The following PDS5A variants were observed in gnomAD, a reference collection of about 807,000 sequenced individuals.
PDS5A encodes the protein sister chromatid cohesion protein PDS5 homolog A.
In PDS5A, 42 loss-of-function variants were observed where a neutral mutation model predicts 167.1. That is an observed-to-expected ratio of 0.25 (90% confidence interval 0.20 to 0.33). The LOEUF is 0.33. Among genes scored for constraint, PDS5A ranks in the 10% least tolerant of loss-of-function variants. The pLI, the probability that PDS5A is intolerant of heterozygous loss-of-function variation, is 1.00. For synonymous variants in PDS5A, 553 were observed against 554.6 expected (o/e 1.00, Z 0.04); for missense variants, 1,033 against 1,605.9 (o/e 0.64, Z 6.10).
At chr4:39,927,892 A>C in intron 3 of PDS5A, 69 bp downstream of exon 3, 1 of 1,090,938 alleles carries the variant, frequency 9.2e-7, no homozygotes, top group Non-Finnish European at 1.3e-6. Flanking sequence ...GTAAAATATA[A>C]AAATAAAAGT....
At position 39,976,633 on chromosome 4, in the gene PDS5A, C is replaced by A; in HGVS notation, c.-40-16G>T. Reference sequence around the variant, plus strand: ...CTACCGGCCTCTATCGGTCAGAAAACCAAAGTTCAGCGGGAAAGGGGCGAC... The same window carrying A: ...CTACCGGCCTCTATCGGTCAGAAAAACAAAGTTCAGCGGGAAAGGGGCGAC... On this transcript the variant is annotated splice_polypyrimidine_tract_variant and intron_variant, in intron 1 of 32. Transcript: ENST00000303538. The A allele has an allele frequency of 1.4e-6, 2 of 1,448,032 alleles. No homozygotes were observed. Among genetic ancestry groups the A allele is most frequent in the Non-Finnish European group, 1.9e-6 (2 of 1,055,220 alleles). 89.7% of individuals were successfully genotyped at this position (1,448,032 alleles called of 1,614,324 possible).
intron 2 of PDS5A, among the ~76,000 whole-genome samples, chr4:39,968,250 C>T (rs1275662365): frequency 6.6e-6 from 1 of 151,772 alleles, no homozygotes; most frequent in African/African-American, 2.4e-5. Context: ...CAGAGGACAC[C>T]AGACCTATAA....
chr4:39,964,039 A>C (rs563055159), intron 2 of PDS5A, among the ~76,000 whole-genome samples: 28 of 151,998 alleles, frequency 1.8e-4, no homozygotes, highest in Middle Eastern at 3.4e-3. Flanking sequence ...GAAATTAGCT[A>C]TTTATAAAAA....
At position 39,823,785 on chromosome 4, in the gene PDS5A, G is replaced by C. The variant is rs1444570390; in HGVS notation, c.*1700C>G. 1 of 152,558 alleles carries C rather than the reference G, an allele frequency of 6.6e-6. No individual in the cohort carries two copies. The highest frequency in any genetic ancestry group is 1.5e-5 in the Non-Finnish European group (1 of 68,038). 9.5% of individuals were successfully genotyped at this position (152,558 alleles called of 1,614,324 possible). A position where few individuals can be genotyped will look rare whatever the true frequency, so the allele number is the denominator to read the frequency against. On this transcript the variant is annotated 3_prime_UTR_variant, in exon 33 of 33. Coordinates refer to ENST00000303538, the MANE Select transcript of PDS5A (RefSeq NM_001100399.2). ...ATCATTGGTATCCATTGTTCCCTAAGCATCTTCTGATACCTAAATGTGTGT... is the reference window on the plus strand; with the variant it reads ...ATCATTGGTATCCATTGTTCCCTAACCATCTTCTGATACCTAAATGTGTGT...
intron 27 of PDS5A, 25 bp downstream of exon 27, chr4:39,849,495 C>A: frequency 6.7e-7 from 1 of 1,483,978 alleles, no homozygotes; most frequent in South Asian, 1.2e-5. Context: ...CATCTTAACA[C>A]CCACTGGCCT....
Position 39,900,466 on chromosome 4 carries a change from C to G in PDS5A, c.1541G>C (p.Ser514Thr). Reference sequence around the variant, plus strand: ...CAAATCCAATAGTTCGCGTACATGGCTCCGAAGCATGTTCTGACACTTCCA... The same window carrying G: ...CAAATCCAATAGTTCGCGTACATGGGTCCGAAGCATGTTCTGACACTTCCA... ...EMWKCQNMLR[S>T]HVRELLDLHK... Residue 514 changes from serine (S) to threonine (T), a missense_variant, in exon 14 of 33, where the codon AGC (serine) becomes ACC (threonine). Coordinates refer to ENST00000303538, the MANE Select transcript of PDS5A (RefSeq NM_001100399.2). 3 of 1,584,886 alleles carry G rather than the reference C, an allele frequency of 1.9e-6. No individual in the cohort carries two copies. The South Asian group carries it at 3.5e-5, about 18-fold the overall frequency.
rs528332652 is a variant in PDS5A, at chr4:39,823,406, G to A, written c.*2079C>T. 3 of 152,402 alleles carry A rather than the reference G, an allele frequency of 2.0e-5. No individual in the cohort carries two copies. The highest frequency in any genetic ancestry group is 4.8e-5 in the African/African-American group (2 of 41,518). 9.4% of individuals were successfully genotyped at this position (152,402 alleles called of 1,614,324 possible). On this transcript the variant is annotated 3_prime_UTR_variant, in exon 33 of 33. Transcript: ENST00000303538. ...GCAAAAATCTAAACAGGAATATATT[G>A]ATGCAGATGGTTCTGCTACATTTTA... is the stretch of plus-strand genomic sequence containing the variant.
chr4:39,952,019 G>A (rs1219614715), intron 2 of PDS5A, among the ~76,000 whole-genome samples: 1 of 151,730 alleles, frequency 6.6e-6, no homozygotes, highest in African/African-American at 2.4e-5. Context: ...GTCAAACTAT[G>A]AATGTGAATG....
At chr4:39,892,642 C>A (rs1033484731) in intron 16 of PDS5A, among the ~76,000 whole-genome samples, 3 of 152,126 alleles carry the variant, frequency 2.0e-5, no homozygotes, top group Non-Finnish European at 2.9e-5. Flanking sequence ...CCATGAGAAA[C>A]CATGTATTAT....
chr4:39,838,790 C>T (rs953857696), intron 31 of PDS5A, among the ~76,000 whole-genome samples: 6 of 152,008 alleles, frequency 3.9e-5, no homozygotes, highest in South Asian at 2.1e-4. Context: ...GAGGCCGAGA[C>T]GGGTGGATCA....
At chr4:39,926,070 T>C in intron 4 of PDS5A, 137 bp from the exon 5 acceptor site, 1 of 318,800 alleles carries the variant, frequency 3.1e-6, no homozygotes, top group Non-Finnish European at 5.7e-6. Flanking sequence ...AAATTTTAAG[T>C]GTTAATCACA....
chr4:39,851,534 T>C (rs1305473139), intron 26 of PDS5A, among the ~76,000 whole-genome samples: 4 of 152,190 alleles, frequency 2.6e-5, no homozygotes, highest in Non-Finnish European at 1.5e-5. Context: ...GCAATCTACC[T>C]GCCTTGGCCT....
intron 26 of PDS5A, among the ~76,000 whole-genome samples, chr4:39,856,311 AAAC>A (rs1035952394): frequency 1.3e-5 from 2 of 152,234 alleles, no homozygotes; most frequent in African/African-American, 4.8e-5. Context: ...TTTTCCAAAT[AAAC>A]AAGAGCAAAG....
chr4:39,889,575 T>C (rs1721793151), intron 17 of PDS5A, among the ~76,000 whole-genome samples: 2 of 152,152 alleles, frequency 1.3e-5, no homozygotes, highest in South Asian at 4.1e-4. Flanking sequence ...ACTGGAAAAA[T>C]GATTGGTGCA....
chr4:39,883,583 T>A (rs972290277), intron 17 of PDS5A, among the ~76,000 whole-genome samples: 1 of 152,024 alleles, frequency 6.6e-6, no homozygotes, highest in East Asian at 1.9e-4. Flanking sequence ...CATCATCTTA[T>A]TTTTCTGTTA....
chr4:39,913,802 GA>G (rs1724104876), intron 8 of PDS5A, 76 bp from the exon 9 acceptor site: 1 of 809,734 alleles, frequency 1.2e-6, no homozygotes, highest in African/African-American at 1.7e-5. Context: ...ACATTCTCAA[GA>G]AGATACTATT....
Position 39,917,087 on chromosome 4 carries a change from T to C in PDS5A, c.837A>G (p.Leu279=), listed in dbSNP as rs1233417838. The C allele has an allele frequency of 6.5e-6, 10 of 1,549,248 alleles. No homozygotes were observed. Among genetic ancestry groups the C allele is most frequent in the Admixed American group, 2.1e-5 (1 of 48,698 alleles). Residue 279 remains leucine, a synonymous_variant, in exon 8 of 33, where the codon TTA becomes TTG. Coordinates refer to ENST00000303538, the MANE Select transcript of PDS5A (RefSeq NM_001100399.2). ...IQELFAIDPH[L]LLSVMPQLEF... is the part of the protein sequence containing the mutation. ...CAAGCTGTGGCATGACGGATAATAA[T>C]AAATGAGGATCTATAGCAAAAAGTT...
At chr4:39,856,898 T>C (rs538168678) in intron 26 of PDS5A, among the ~76,000 whole-genome samples, 47 of 152,128 alleles carry the variant, frequency 3.1e-4, no homozygotes, top group African/African-American at 1.1e-3. Flanking sequence ...TAAATGGGAA[T>C]ACAGCCTATA....
At chr4:39,921,171 GT>G (rs1407276738) in intron 6 of PDS5A, among the ~76,000 whole-genome samples, 1 of 152,024 alleles carries the variant, frequency 6.6e-6, no homozygotes, top group Non-Finnish European at 1.5e-5. Flanking sequence ...AATATTTTAG[GT>G]TTTGTGGGTC....
Sources: gnomAD v4.1 joint callset for allele counts (sites outside exome capture counted in the v4.1 genomes callset) on GRCh38, gnomAD v4.1.1 for gene constraint, MANE v1.5 for transcripts, NCBI Gene and HGNC (gene_info 2026-07-23, HGNC 2026-07-21) for gene names.